Variants in IFT80 observed in about 807,000 individuals in gnomAD.
IFT80 encodes the protein intraflagellar transport protein 80 homolog.
IFT80 carries 79 observed loss-of-function variants against 107.9 expected under a neutral mutation model. That is an observed-to-expected ratio of 0.73 (90% CI 0.61 to 0.88). IFT80 has a LOEUF of 0.88. Among genes scored for constraint, IFT80 ranks in the 40% least tolerant of loss-of-function variants. The pLI, the probability that IFT80 is intolerant of heterozygous loss-of-function variation, is 0.00. For missense variants in IFT80, 797 were observed against 914.2 expected (o/e 0.87, Z 1.65); for synonymous variants, 299 against 300.9 (o/e 0.99, Z 0.07).
chr3:160,354,432 T>C (rs1241211543), intron 8 of IFT80, among the ~76,000 whole-genome samples: 1 of 151,860 alleles, frequency 6.6e-6, no homozygotes, highest in African/African-American at 2.4e-5. Context: ...GGTGGATCAC[T>C]AGGTCAGGAG....
chr3:160,314,890 C>T (rs1166649458), intron 9 of IFT80, among the ~76,000 whole-genome samples: 1 of 152,034 alleles, frequency 6.6e-6, no homozygotes, highest in Non-Finnish European at 1.5e-5. Flanking sequence ...GGAGGCGAGC[C>T]TCAATCAATT....
chr3:160,397,706 T>G (rs1427033968), intron 1 of IFT80, among the ~76,000 whole-genome samples: 2 of 150,268 alleles, frequency 1.3e-5, no homozygotes, highest in African/African-American at 4.9e-5. Flanking sequence ...ACCACTCAAT[T>G]TGGTCTATAC....
intron 6 of IFT80, 74 bp downstream of exon 6, chr3:160,365,969 A>T: frequency 9.5e-7 from 1 of 1,057,070 alleles, no homozygotes; most frequent in Non-Finnish European, 1.5e-6. Context: ...GAAGAAAGAG[A>T]CTCCTAAGCA....
chr3:160,364,049 T>C (rs987397553), intron 6 of IFT80, among the ~76,000 whole-genome samples: 1 of 152,046 alleles, frequency 6.6e-6, no homozygotes, highest in Non-Finnish European at 1.5e-5. Flanking sequence ...CAAAAGAAAC[T>C]ACCATCAGAG....
chr3:160,286,455 A>C (rs1013359537), intron 12 of IFT80, among the ~76,000 whole-genome samples: 4 of 152,228 alleles, frequency 2.6e-5, no homozygotes, highest in Admixed American at 2.6e-4. Context: ...TTCAGTGGGC[A>C]TGAAGAACAT....
chr3:160,307,791 GA>G lies in IFT80; in HGVS notation c.958-11del, dbSNP rs1559930816. 1 of 1,347,428 alleles carries G rather than the reference GA, an allele frequency of 7.4e-7. No homozygotes were observed. The highest frequency in any genetic ancestry group is 1.1e-6 in the Non-Finnish European group (1 of 938,292). 83.5% of individuals were successfully genotyped at this position (1,347,428 alleles called of 1,614,324 possible). A position where few individuals can be genotyped will look rare whatever the true frequency, so the allele number is the denominator to read the frequency against. On this transcript the variant is annotated splice_polypyrimidine_tract_variant and intron_variant, in intron 9 of 19. Coordinates refer to ENST00000326448, the MANE Select transcript of IFT80 (RefSeq NM_020800.3). ...TAAGAACATTACGAACCTAAACAAG[GA>G]AAAATAAAATACCAATAAACATTAT...
At chr3:160,262,615 A>G (rs1429661654) in intron 19 of IFT80, among the ~76,000 whole-genome samples, 1 of 152,096 alleles carries the variant, frequency 6.6e-6, no homozygotes, top group Non-Finnish European at 1.5e-5. Flanking sequence ...GTGAGCTACC[A>G]CGCCCAGCCA....
chr3:160,354,016 G>C lies in IFT80; in HGVS notation c.777+1997C>G, dbSNP rs572037395. Among the ~76,000 whole-genome samples, 18 of 152,148 alleles carry C rather than the reference G, an allele frequency of 1.2e-4. No homozygotes were observed. The South Asian group carries it at 3.5e-3, about 30-fold the overall frequency. On this transcript the variant is annotated intron_variant, in intron 8 of 19. Transcript: ENST00000326448. ...AATTGGCTTATTAATAAATTGTTGA[G>C]TATCTACTGTGTTGTACAGATAATA...
intron 12 of IFT80, among the ~76,000 whole-genome samples, chr3:160,298,658 T>C (rs6791261): frequency 0.52 from 79,778 of 152,002 alleles, 21,398 homozygotes; most frequent in African/African-American, 0.56. Context: ...TCAATGATGG[T>C]GATATGTTCT....
intron 11 of IFT80, among the ~76,000 whole-genome samples, chr3:160,301,986 A>G (rs1358697270): frequency 2.6e-5 from 4 of 152,012 alleles, no homozygotes; most frequent in African/African-American, 9.7e-5. Context: ...TACAGCTTCT[A>G]GAAGTGCAAT....
chr3:160,381,359 G>T, intron 3 of IFT80, 144 bp downstream of exon 3: 1 of 690,476 alleles, frequency 1.4e-6, no homozygotes, highest in Non-Finnish European at 2.5e-6. Flanking sequence ...CAAACCAAGT[G>T]ACTATTCAGA....
chr3:160,292,073 T>C (rs1465609713), intron 12 of IFT80, among the ~76,000 whole-genome samples: 1 of 152,174 alleles, frequency 6.6e-6, no homozygotes, highest in Non-Finnish European at 1.5e-5. Flanking sequence ...GCCCTACACA[T>C]AGCTGGAAAC....
chr3:160,334,240 T>C (rs571855660), intron 8 of IFT80, among the ~76,000 whole-genome samples: 11 of 152,324 alleles, frequency 7.2e-5, no homozygotes, highest in African/African-American at 2.2e-4. Context: ...CAGTGATATA[T>C]ACTAAAATAT....
chr3:160,262,945 A>C (rs1039754510), intron 19 of IFT80, among the ~76,000 whole-genome samples: 2 of 152,122 alleles, frequency 1.3e-5, no homozygotes, highest in Non-Finnish European at 2.9e-5. Flanking sequence ...CAATAAATTT[A>C]GTTTTCTAGC....
intron 2 of IFT80, among the ~76,000 whole-genome samples, chr3:160,382,866 A>C (rs1335178047): frequency 6.6e-6 from 1 of 152,210 alleles, no homozygotes; most frequent in Non-Finnish European, 1.5e-5. Context: ...AAAAAGATAA[A>C]GAGAGATTAT....
At chr3:160,291,138 G>A (rs950773218) in intron 12 of IFT80, among the ~76,000 whole-genome samples, 4 of 152,292 alleles carry the variant, frequency 2.6e-5, no homozygotes, top group Admixed American at 6.5e-5. Flanking sequence ...ACTTACAGGC[G>A]AAAGCCTATG....
At chr3:160,293,941 TGA>T (rs962213474) in intron 12 of IFT80, among the ~76,000 whole-genome samples, 3 of 152,152 alleles carry the variant, frequency 2.0e-5, no homozygotes, top group Non-Finnish European at 2.9e-5. Flanking sequence ...TTGAACACAT[TGA>T]TGTGCCAGGA....
In IFT80 at chr3:160,282,471, A is replaced by G. The variant is rs1056986353; in HGVS notation, c.1516+7T>C. 1 of 1,554,772 alleles carries G rather than the reference A, an allele frequency of 6.4e-7. No homozygotes were observed. Among genetic ancestry groups the G allele is most frequent in the African/African-American group, 1.4e-5 (1 of 73,302 alleles). Reference sequence around the variant, plus strand: ...TTAAAACTTAAAATGTATTAAAATTATTTTACCAAGCTTGATAATTTGTTC... The same window carrying G: ...TTAAAACTTAAAATGTATTAAAATTGTTTTACCAAGCTTGATAATTTGTTC... On this transcript the variant is annotated splice_region_variant and intron_variant, in intron 14 of 19. Transcript: ENST00000326448.
At chr3:160,384,104 G>C (rs1241664608) in intron 2 of IFT80, 1 of 230,854 alleles carries the variant, frequency 4.3e-6, no homozygotes, top group African/African-American at 2.3e-5. Context: ...AATTAGCCGG[G>C]CATGTTGGCG....
Sources: allele counts gnomAD v4.1 joint callset (sites outside exome capture counted in the v4.1 genomes callset), GRCh38; gene constraint gnomAD v4.1.1; transcripts MANE v1.5; gene names NCBI Gene and HGNC (gene_info 2026-07-23, HGNC 2026-07-21).